The following MTR variants were observed in gnomAD, a reference collection of about 807,000 sequenced individuals.
MTR encodes the protein 5-methyltetrahydrofolate-homocysteine methyltransferase, also known as methionine synthase.
MTR carries 84 observed loss-of-function variants against 154.8 expected under a neutral mutation model. That is an observed-to-expected ratio of 0.54 (90% CI 0.45 to 0.65). MTR has a LOEUF of 0.65. Among genes scored for constraint, MTR ranks in the 30% least tolerant of loss-of-function variants. The pLI is 0.00. For synonymous variants in MTR, 554 were observed against 553.9 expected (o/e 1.00, Z 0.00); for missense variants, 1,275 against 1,570.2 (o/e 0.81, Z 3.18).
At chr1:236,870,818 C>A (rs1041128314) in intron 22 of MTR, among the ~76,000 whole-genome samples, 1 of 152,186 alleles carries the variant, frequency 6.6e-6, no homozygotes, top group East Asian at 1.9e-4. Flanking sequence ...CCAGCTCTCC[C>A]CTATTTCAAG....
At chr1:236,807,405 C>T (rs1661046282) in intron 3 of MTR, among the ~76,000 whole-genome samples, 1 of 152,180 alleles carries the variant, frequency 6.6e-6, no homozygotes, top group Non-Finnish European at 1.5e-5. Flanking sequence ...AATTCCTGAG[C>T]TTAGGTAATC....
chr1:236,799,018 T>TA (rs1262401552), intron 1 of MTR, among the ~76,000 whole-genome samples: 2 of 152,190 alleles, frequency 1.3e-5, no homozygotes, highest in Non-Finnish European at 2.9e-5. Flanking sequence ...GAACACTTAA[T>TA]ACCAACAGAT....
chr1:236,897,312 A>G lies in MTR; in HGVS notation c.3711+194A>G, dbSNP rs201122094. 0.037 allele frequency among the ~76,000 whole-genome samples: 2,425 copies of G among 66,172 alleles called. 74 individuals are homozygous for G. The highest frequency in any genetic ancestry group is 0.19 in the South Asian group (407 of 2,098). 43.4% of individuals were successfully genotyped at this position (66,172 alleles called of 152,430 possible). A position where few individuals can be genotyped will look rare whatever the true frequency, so the allele number is the denominator to read the frequency against. On this transcript the variant is annotated intron_variant, in intron 32 of 32. Transcript: ENST00000366577. The stretch of plus-strand genomic sequence containing the variant: ...TTCTACATGCAAGCCACACACACGC[A>G]CACACACACACACACACACACACAC...
intron 4 of MTR, 30 bp downstream of exon 4, chr1:236,808,803 A>G (rs375677870): frequency 1.2e-6 from 2 of 1,602,260 alleles, no homozygotes; most frequent in African/African-American, 2.7e-5. Context: ...TTTTTTGCAC[A>G]CGTGGTTCCT....
At chr1:236,896,858 G>C (rs1262375862) in intron 31 of MTR, 148 bp from the exon 32 acceptor site, 1 of 759,468 alleles carries the variant, frequency 1.3e-6, no homozygotes, top group South Asian at 1.4e-5. Flanking sequence ...TCTGATCACA[G>C]CTTTCATGCT....
At chr1:236,889,588 G>A (rs1666205315) in intron 28 of MTR, among the ~76,000 whole-genome samples, 1 of 152,118 alleles carries the variant, frequency 6.6e-6, no homozygotes. Context: ...TGAGCACTAG[G>A]GATAAATGGA....
In MTR at chr1:236,850,361, A is replaced by G. The variant is rs561131684; in HGVS notation, c.1533A>G (p.Thr511=). 6.2e-7 allele frequency: 1 copy of G among 1,613,302 alleles called. No homozygotes were observed. Among genetic ancestry groups the G allele is most frequent in the African/African-American group, 1.3e-5 (1 of 75,006 alleles). The change falls in exon 16 of 33, where the codon ACA becomes ACG. Residue 511 remains threonine (T), a synonymous_variant. Coordinates refer to ENST00000366577, the MANE Select transcript of MTR (RefSeq NM_000254.3). ...TTCCCTAGGCAACAGAAACAGACACAAAAATCAGAGTGTGCACCCGGGCCT... is the reference window on the plus strand; with the variant it reads ...TTCCCTAGGCAACAGAAACAGACACGAAAATCAGAGTGTGCACCCGGGCCT... ...DEEGQATETD[T]KIRVCTRAYH...
At chr1:236,855,522 C>T (rs1294855789) in intron 18 of MTR, among the ~76,000 whole-genome samples, 1 of 152,130 alleles carries the variant, frequency 6.6e-6, no homozygotes, top group Non-Finnish European at 1.5e-5. Context: ...GACCCGGGAG[C>T]TTGAGAATAT....
chr1:236,888,618 G>C (rs996072339), intron 27 of MTR, among the ~76,000 whole-genome samples: 5 of 152,202 alleles, frequency 3.3e-5, no homozygotes, highest in African/African-American at 1.2e-4. Flanking sequence ...CTGCACACAT[G>C]CTTGGCAGAG....
intron 31 of MTR, among the ~76,000 whole-genome samples, chr1:236,895,887 G>A (rs1301687113): frequency 3.3e-5 from 5 of 152,166 alleles, no homozygotes; most frequent in Non-Finnish European, 2.9e-5. Context: ...CTTAGAGACC[G>A]ACCTTTGTCC....
Position 236,901,156 on chromosome 1 carries a change from G to A in MTR, c.*3512G>A, listed in dbSNP as rs41305971. Reference sequence around the variant, plus strand: ...CCGAGAAAGCAATGAAGAGCGTTTCGAAGCATGCCAGCAGAACCCAATGCT... The same window carrying A: ...CCGAGAAAGCAATGAAGAGCGTTTCAAAGCATGCCAGCAGAACCCAATGCT... On this transcript the variant is annotated 3_prime_UTR_variant, in exon 33 of 33. Coordinates refer to ENST00000366577, the MANE Select transcript of MTR (RefSeq NM_000254.3). 0.015 allele frequency: 2,332 copies of A among 152,832 alleles called. 34 individuals are homozygous for A. The highest frequency in any genetic ancestry group is 0.025 in the Non-Finnish European group (1,678 of 68,076). The allele number at this position is 152,832 out of a possible 1,614,324, so 9.5% of individuals were successfully genotyped here.
At chr1:236,822,755 A>G (rs1237365764) in intron 8 of MTR, among the ~76,000 whole-genome samples, 2 of 152,230 alleles carry the variant, frequency 1.3e-5, no homozygotes, top group African/African-American at 2.4e-5. Flanking sequence ...GATTTTCTAC[A>G]TAAACAATCA....
intron 25 of MTR, among the ~76,000 whole-genome samples, chr1:236,884,003 A>G (rs1304365213): frequency 6.6e-6 from 1 of 152,088 alleles, no homozygotes; most frequent in East Asian, 1.9e-4. Flanking sequence ...TTTCTATGTA[A>G]TTTTATTTTG....
intron 1 of MTR, among the ~76,000 whole-genome samples, chr1:236,799,634 A>G (rs1215704077): frequency 6.6e-6 from 1 of 152,200 alleles, no homozygotes; most frequent in Non-Finnish European, 1.5e-5. Flanking sequence ...ATTGTATATT[A>G]CATTCTGGAA....
chr1:236,841,069 C>G (rs1486246658), intron 15 of MTR, among the ~76,000 whole-genome samples: 1 of 152,188 alleles, frequency 6.6e-6, no homozygotes, highest in East Asian at 1.9e-4. Flanking sequence ...CTTCAGCCTT[C>G]TAGATCCTGA....
At chr1:236,813,330 A>G (rs4598478) in intron 6 of MTR, among the ~76,000 whole-genome samples, 11,297 of 147,224 alleles carry the variant, frequency 0.077, 839 homozygotes, top group African/African-American at 0.19. Context: ...GTGTATATGG[A>G]GAGAGAAGCA....
intron 12 of MTR, among the ~76,000 whole-genome samples, chr1:236,831,318 C>T (rs1174518159): frequency 6.6e-6 from 1 of 152,168 alleles, no homozygotes; most frequent in Non-Finnish European, 1.5e-5. Flanking sequence ...CTAAATTGGC[C>T]AGTGGCAGGG....
At chr1:236,818,519 T>C (rs1260335266) in intron 8 of MTR, among the ~76,000 whole-genome samples, 1 of 152,240 alleles carries the variant, frequency 6.6e-6, no homozygotes, top group Non-Finnish European at 1.5e-5. Context: ...GTTCTGACTT[T>C]TGATCCACTC....
At position 236,903,839 on chromosome 1, in the gene MTR, C is replaced by T. The variant is rs1284474129; in HGVS notation, c.*6195C>T. ...CAGGTTATCTGAAAGAATTTCAATG[C>T]TTACCTTTAATCATGTGACATTGTT... On this transcript the variant is annotated 3_prime_UTR_variant, in exon 33 of 33. Coordinates refer to ENST00000366577, the MANE Select transcript of MTR (RefSeq NM_000254.3). The T allele has an allele frequency of 6.6e-6, 1 of 152,106 alleles. No homozygotes were observed. Among genetic ancestry groups the T allele is most frequent in the Non-Finnish European group, 1.5e-5 (1 of 68,038 alleles). The allele number at this position is 152,106 out of a possible 1,614,324, so 9.4% of individuals were successfully genotyped here. A position where few individuals can be genotyped will look rare whatever the true frequency, so the allele number is the denominator to read the frequency against.
Sources: gnomAD v4.1 joint callset for allele counts (sites outside exome capture counted in the v4.1 genomes callset) on GRCh38, gnomAD v4.1.1 for gene constraint, MANE v1.5 for transcripts, NCBI Gene and HGNC (gene_info 2026-07-23, HGNC 2026-07-21) for gene names.